The following TRIM3 variants were observed in gnomAD, a reference collection of about 807,000 sequenced individuals.
TRIM3 encodes tripartite motif-containing protein 3.
In TRIM3, 13 loss-of-function variants were observed where a neutral mutation model predicts 66.6. The ratio of observed to expected loss-of-function variants is 0.20; its 90% CI spans 0.13 to 0.31. TRIM3 has a LOEUF of 0.31. Among genes scored for constraint, TRIM3 ranks in the 10% least tolerant of loss-of-function variants. The pLI, the probability that TRIM3 is intolerant of heterozygous loss-of-function variation, is 1.00. For synonymous variants in TRIM3, 406 were observed against 411.7 expected (o/e 0.99, Z 0.17); for missense variants, 711 against 1,020.4 (o/e 0.70, Z 4.13).
chr11:6,461,331 T>C (rs1243370982), intron 2 of TRIM3, among the ~76,000 whole-genome samples: 1 of 152,112 alleles, frequency 6.6e-6, no homozygotes, highest in Admixed American at 6.5e-5. Context: ...AACTGGAACA[T>C]TTCTGAACTA....
Position 6,465,607 on chromosome 11 carries a change from T to A in TRIM3, c.89A>T (p.Gln30Leu). 6.2e-7 allele frequency: 1 copy of A among 1,614,150 alleles called. No homozygotes were observed. The highest frequency in any genetic ancestry group is 8.5e-7 in the Non-Finnish European group (1 of 1,180,020). Residue 30 changes from glutamine to leucine, a missense_variant, in exon 2 of 12, where the codon CAG (glutamine) becomes CTG (leucine). Physicochemically the swap from Gln to Leu is moderately radical, Grantham distance 113. Coordinates refer to ENST00000345851, the MANE Select transcript of TRIM3 (RefSeq NM_033278.4). ...LVCSICLDRY[Q>L]CPKVLPCLHT... ...CAGGCAAGGAAGAACCTTGGGGCACTGGTACCGATCCAGGCAGATGCTGCA... is the reference window on the plus strand; with the variant it reads ...CAGGCAAGGAAGAACCTTGGGGCACAGGTACCGATCCAGGCAGATGCTGCA...
chr11:6,461,112 G>T (rs189136749), intron 2 of TRIM3, among the ~76,000 whole-genome samples: 39 of 152,004 alleles, frequency 2.6e-4, no homozygotes, highest in African/African-American at 9.2e-4. Flanking sequence ...TGTCATGTTG[G>T]CCAGGCTGGT....
chr11:6,472,418 T>G (rs1353522705), intron 1 of TRIM3, among the ~76,000 whole-genome samples: 2 of 136,200 alleles, frequency 1.5e-5, no homozygotes, highest in Admixed American at 7.6e-5. Flanking sequence ...TTGCCTCCCC[T>G]CCACACTCCC....
chr11:6,471,663 G>A (rs888476540), intron 1 of TRIM3, among the ~76,000 whole-genome samples: 1 of 152,180 alleles, frequency 6.6e-6, no homozygotes, highest in Non-Finnish European at 1.5e-5. Flanking sequence ...ATGGAAACAC[G>A]TAACTACAAT....
Position 6,456,880 on chromosome 11 carries a change from C to A in TRIM3, c.846G>T (p.Ala282=), listed in dbSNP as rs200727893. The A allele has an allele frequency of 3.8e-5, 61 of 1,612,520 alleles. No homozygotes were observed. Among genetic ancestry groups the A allele is most frequent in the Non-Finnish European group, 4.5e-5 (53 of 1,179,956 alleles). The part of the protein sequence containing the change: ...KHMRERLAAL[A]AQAFPERPHE... ...GTGGCCGCTCCGGGAAGGCCTGTGC[C>A]GCCAATGCAGCCAGCCGCTCTCGCA... Residue 282 remains alanine, a synonymous_variant, in exon 6 of 12, where the codon GCG becomes GCT. Transcript: ENST00000345851. The surrounding 1 kb of genome is among the most constrained non-coding windows in gnomAD (Gnocchi z 6.4).
At chr11:6,467,640 C>T (rs1237921044) in intron 1 of TRIM3, among the ~76,000 whole-genome samples, 1 of 152,116 alleles carries the variant, frequency 6.6e-6, no homozygotes, top group Non-Finnish European at 1.5e-5. Context: ...TGGCACACAC[C>T]TGTAGTCCAG....
Position 6,457,322 on chromosome 11 carries a change from C to T in TRIM3, c.670G>A (p.Glu224Lys). ...QRKQALVSDL[E>K]TICGAKQKVL... Reference sequence around the variant, plus strand: ...TTCTGTTTGGCCCCACAAATGGTCTCCAGGTCGCTGACCAGAGCCTGCTTG... The same window carrying T: ...TTCTGTTTGGCCCCACAAATGGTCTTCAGGTCGCTGACCAGAGCCTGCTTG... Residue 224 changes from glutamate (E) to lysine (K), a missense_variant, in exon 5 of 12, where the codon GAG (glutamate) becomes AAG (lysine). Around this residue, in one of 3 missense-constraint regions of TRIM3, gnomAD observed 399 missense variants for 458.1 expected, o/e 0.87. Coordinates refer to ENST00000345851, the MANE Select transcript of TRIM3 (RefSeq NM_033278.4). The surrounding 1 kb of genome is among the most constrained non-coding windows in gnomAD (Gnocchi z 4.5). 1.2e-6 allele frequency: 2 copies of T among 1,614,162 alleles called. No individual in the cohort carries two copies. The highest frequency in any genetic ancestry group is 2.2e-5 in the South Asian group (2 of 91,086).
intron 2 of TRIM3, among the ~76,000 whole-genome samples, chr11:6,461,909 CCAAA>C (rs1384973678): frequency 6.6e-6 from 1 of 152,076 alleles, no homozygotes; most frequent in African/African-American, 2.4e-5. Context: ...AAAATAAAAT[CCAAA>C]CACTTTCTGA....
chr11:6,464,302 A>G (rs1850356534), intron 2 of TRIM3, among the ~76,000 whole-genome samples: 1 of 152,056 alleles, frequency 6.6e-6, no homozygotes. Flanking sequence ...CTTACCTGAC[A>G]TATTTTCTCA....
At chr11:6,461,159 GC>G (rs2134199728) in intron 2 of TRIM3, among the ~76,000 whole-genome samples, 2 of 152,180 alleles carry the variant, frequency 1.3e-5, no homozygotes, top group Non-Finnish European at 2.9e-5. Context: ...GCCCGTCTCG[GC>G]CTCCCAAAGT....
In TRIM3 at chr11:6,458,296, T is replaced by A. The variant is rs764434165; in HGVS notation, c.132A>T (p.Arg44Ser). The A allele has an allele frequency of 1.2e-6, 2 of 1,611,632 alleles. No individual in the cohort carries two copies. Among genetic ancestry groups the A allele is most frequent in the Admixed American group, 1.7e-5 (1 of 59,924 alleles). ...VLPCLHTFCE[R>S]CLQNYIPAQS... is the part of the protein sequence containing the mutation. The stretch of plus-strand genomic sequence containing the variant: ...GGGCAGGGATATAGTTTTGGAGACA[T>A]CTGTCCAGGAAGGAGAGTCAAAGAA... The change falls in exon 3 of 12, where the codon AGA (arginine) becomes AGT (serine). Residue 44 changes from arginine to serine, a missense_variant and splice_region_variant. Physicochemically the swap from Arg to Ser is moderately radical, Grantham distance 110 (BLOSUM62 -1). This residue lies in a region of TRIM3 where 149 missense variants were observed against 240.3 expected (regional missense o/e 0.62). Transcript: ENST00000345851. This position sits in a 1 kb window ranked among gnomAD's most constrained non-coding sequence, Gnocchi z 6.2.
intron 7 of TRIM3, chr11:6,452,738 G>C (rs1468324521): frequency 6.6e-6 from 1 of 152,148 alleles, no homozygotes; most frequent in Non-Finnish European, 1.5e-5. Flanking sequence ...AGAAGTGAGG[G>C]GGCACTAAAA....
chr11:6,455,056 G>A (rs1849905831), intron 7 of TRIM3, among the ~76,000 whole-genome samples: 1 of 152,068 alleles, frequency 6.6e-6, no homozygotes, highest in African/African-American at 2.4e-5. Context: ...GCTTCTAATA[G>A]TAATCTACCT....
Position 6,456,906 on chromosome 11 carries a change from T to G in TRIM3, c.820A>C (p.Met274Leu). The G allele has an allele frequency of 6.2e-7, 1 of 1,612,240 alleles. No homozygotes were observed. The highest frequency in any genetic ancestry group is 8.5e-7 in the Non-Finnish European group (1 of 1,179,980). Residue 274 changes from methionine (M) to leucine (L), a missense_variant, in exon 6 of 12, where the codon ATG becomes CTG. Around this residue, in one of 3 missense-constraint regions of TRIM3, gnomAD observed 399 missense variants for 458.1 expected, o/e 0.87. Coordinates refer to ENST00000345851, the MANE Select transcript of TRIM3 (RefSeq NM_033278.4). This position sits in a 1 kb window ranked among gnomAD's most constrained non-coding sequence, Gnocchi z 6.4. Reference protein sequence around the residue: ...APEVLLVRKHMRERLAALAAQ... With the variant: ...APEVLLVRKHLRERLAALAAQ... Reference sequence around the variant, plus strand: ...GCCAATGCAGCCAGCCGCTCTCGCATGTGCTTGCGCACCAGCAACACCTCC... The same window carrying G: ...GCCAATGCAGCCAGCCGCTCTCGCAGGTGCTTGCGCACCAGCAACACCTCC...
At chr11:6,463,281 AAAAT>A (rs1278895825) in intron 2 of TRIM3, among the ~76,000 whole-genome samples, 1 of 152,246 alleles carries the variant, frequency 6.6e-6, no homozygotes. Flanking sequence ...TTAAAATAAA[AAAAT>A]AAAATGAAGT....
Position 6,450,357 on chromosome 11 carries a change from T to C in TRIM3, c.1941+194A>G. ...ATAATCAAGAAGACACAGAATACATTTGCTTTGTGCATCACTGTATCTCCA... is the reference window on the plus strand; with the variant it reads ...ATAATCAAGAAGACACAGAATACATCTGCTTTGTGCATCACTGTATCTCCA... On this transcript the variant is annotated intron_variant, in intron 10 of 11. Transcript: ENST00000345851. This position sits in a 1 kb window ranked among gnomAD's most constrained non-coding sequence, Gnocchi z 4.8. 1 of 596,936 alleles carries C rather than the reference T, an allele frequency of 1.7e-6. No individual in the cohort carries two copies. The highest frequency in any genetic ancestry group is 3.0e-6 in the Non-Finnish European group (1 of 335,218). The allele number at this position is 596,936 out of a possible 1,614,324, so 37.0% of individuals were successfully genotyped here.
intron 1 of TRIM3, among the ~76,000 whole-genome samples, chr11:6,471,585 A>T (rs1850688960): frequency 6.6e-6 from 1 of 152,246 alleles, no homozygotes; most frequent in Non-Finnish European, 1.5e-5. Context: ...TGTGAAATAG[A>T]GACACAAAGC....
In TRIM3 at chr11:6,449,037, G is replaced by A. The variant is rs1408909068; in HGVS notation, c.2226C>T (p.Tyr742=). 1.2e-6 allele frequency: 2 copies of A among 1,613,998 alleles called. No homozygotes were observed. Among genetic ancestry groups the A allele is most frequent in the Admixed American group, 3.3e-5 (2 of 60,006 alleles). ...AGNHCFKAYR[Y]LQ ...CAGGGCCTCTGTACAGCTACTGGAGGTAGCGATAGGCTTTAAAGCAGTGGT... is the reference window on the plus strand; with the variant it reads ...CAGGGCCTCTGTACAGCTACTGGAGATAGCGATAGGCTTTAAAGCAGTGGT... Residue 742 remains tyrosine (Y), a synonymous_variant, in exon 12 of 12, where the codon TAC becomes TAT. Coordinates refer to ENST00000345851, the MANE Select transcript of TRIM3 (RefSeq NM_033278.4). The surrounding 1 kb of genome is among the most constrained non-coding windows in gnomAD (Gnocchi z 5.3).
chr11:6,457,945 C>A lies in TRIM3; in HGVS notation c.364-98G>T. ...CTGCCCCTCACCTTCTAAGTGCACCCCCTACCTGGACCACTAATCCAGAGC... is the reference window on the plus strand; with the variant it reads ...CTGCCCCTCACCTTCTAAGTGCACCACCTACCTGGACCACTAATCCAGAGC... On this transcript the variant is annotated intron_variant, in intron 3 of 11. Transcript: ENST00000345851. This position sits in a 1 kb window ranked among gnomAD's most constrained non-coding sequence, Gnocchi z 4.5. 1 of 1,560,590 alleles carries A rather than the reference C, an allele frequency of 6.4e-7. No individual in the cohort carries two copies. Among genetic ancestry groups the A allele is most frequent in the East Asian group, 2.3e-5 (1 of 44,214 alleles).
Sources: allele counts gnomAD v4.1 joint callset (sites outside exome capture counted in the v4.1 genomes callset), GRCh38; gene constraint gnomAD v4.1.1; regional missense constraint gnomAD v4.1.1; non-coding constraint Gnocchi (gnomAD v3.1); transcripts MANE v1.5; gene names NCBI Gene and HGNC (gene_info 2026-07-23, HGNC 2026-07-21).